The following TMEM53 variants were observed in gnomAD, a reference collection of about 807,000 sequenced individuals.
TMEM53 encodes the protein novel DUF829 domain-containing protein.
TMEM53 carries 14 observed loss-of-function variants against 21.4 expected under a neutral mutation model. That is an observed-to-expected ratio of 0.65 (90% CI 0.43 to 1.02). The LOEUF (loss-of-function observed/expected upper bound fraction) is 1.02. Ranked by LOEUF, TMEM53 falls within the 50% of genes least tolerant of loss-of-function variation. The pLI is 0.00. For missense variants in TMEM53, 323 were observed against 383.6 expected (o/e 0.84, Z 1.32); for synonymous variants, 148 against 157.4 (o/e 0.94, Z 0.45).
At chr1:44,674,178 T>C (rs1456864317) in intron 1 of TMEM53, 153 bp downstream of exon 1, 1 of 984,912 alleles carries the variant, frequency 1.0e-6, no homozygotes, top group Non-Finnish European at 1.2e-6. Context: ...CGGGGCTCTC[T>C]GAGCCTCTCT....
At chr1:44,660,496 C>T (rs750529209) in intron 1 of TMEM53, among the ~76,000 whole-genome samples, 2 of 152,150 alleles carry the variant, frequency 1.3e-5, no homozygotes, top group African/African-American at 4.8e-5. Context: ...ATGGGGTCAC[C>T]GGACAAACCA....
At chr1:44,662,412 C>T (rs1644910265) in intron 1 of TMEM53, among the ~76,000 whole-genome samples, 1 of 152,224 alleles carries the variant, frequency 6.6e-6, no homozygotes, top group Non-Finnish European at 1.5e-5. Flanking sequence ...TTTTCTCAGC[C>T]TAGTGTCCCC....
chr1:44,672,301 A>G (rs6668046), intron 1 of TMEM53, among the ~76,000 whole-genome samples: 4,608 of 152,340 alleles, frequency 0.03, 241 homozygotes, highest in African/African-American at 0.11. Flanking sequence ...CCTCTTGAAC[A>G]GAGGAAGAGA....
intron 1 of TMEM53, among the ~76,000 whole-genome samples, chr1:44,669,414 T>C (rs1050939698): frequency 7.2e-5 from 11 of 152,242 alleles, no homozygotes; most frequent in South Asian, 2.1e-4. Flanking sequence ...ATGTCCCTAA[T>C]TGTTTCCTAG....
rs576791562 is a variant in TMEM53 at position 44,672,613 on chromosome 1, C to A, written c.61+1718G>T. 3.3e-5 allele frequency among the ~76,000 whole-genome samples: 5 copies of A among 152,302 alleles called. 1 individual carries two copies. The South Asian group carries it at 6.2e-4, about 19-fold the overall frequency. On this transcript the variant is annotated intron_variant, in intron 1 of 2. Transcript: ENST00000372237. ...AAGCATCGCCCCAGGGAAGGGTCTG[C>A]TAGCAATGGAATGCACTCATGCCAA...
chr1:44,668,181 G>A (rs912825172), intron 1 of TMEM53, among the ~76,000 whole-genome samples: 2 of 152,078 alleles, frequency 1.3e-5, no homozygotes, highest in African/African-American at 4.8e-5. Context: ...GGTGGCTCAC[G>A]CCTGTAATCC....
intron 1 of TMEM53, among the ~76,000 whole-genome samples, chr1:44,668,465 A>C (rs1644968816): frequency 1.3e-5 from 2 of 152,256 alleles, no homozygotes; most frequent in African/African-American, 4.8e-5. Flanking sequence ...TAACATGCAA[A>C]AAATTGAAAG....
intron 1 of TMEM53, among the ~76,000 whole-genome samples, chr1:44,672,497 G>A (rs1264497755): frequency 3.9e-5 from 6 of 152,180 alleles, no homozygotes; most frequent in Admixed American, 3.3e-4. Context: ...AACTGAGAGC[G>A]GAAATTACAG....
chr1:44,658,855 A>C (rs1644873416), intron 2 of TMEM53, among the ~76,000 whole-genome samples: 3 of 152,118 alleles, frequency 2.0e-5, no homozygotes, highest in Admixed American at 2.0e-4. Flanking sequence ...CCAGGCCAAA[A>C]GGGACTTTCT....
At chr1:44,668,293 T>G (rs1644966583) in intron 1 of TMEM53, among the ~76,000 whole-genome samples, 1 of 151,878 alleles carries the variant, frequency 6.6e-6, no homozygotes, top group Non-Finnish European at 1.5e-5. Flanking sequence ...TACAAAAAAT[T>G]AGCCGAGCGT....
chr1:44,653,618 C>G lies in TMEM53; in HGVS notation c.*941G>C, dbSNP rs1644820273. Reference sequence around the variant, plus strand: ...TCAGCTCCTCATCTGGCTTCTACCTCAGACTCCCAGGCAATGGGGTCAGAG... The same window carrying G: ...TCAGCTCCTCATCTGGCTTCTACCTGAGACTCCCAGGCAATGGGGTCAGAG... On this transcript the variant is annotated 3_prime_UTR_variant, in exon 3 of 3. Coordinates refer to ENST00000372237, the MANE Select transcript of TMEM53 (RefSeq NM_024587.4). 6.6e-6 allele frequency: 1 copy of G among 152,274 alleles called. No individual in the cohort carries two copies. The highest frequency in any genetic ancestry group is 1.5e-5 in the Non-Finnish European group (1 of 68,060). 9.4% of individuals were successfully genotyped at this position (152,274 alleles called of 1,614,324 possible).
intron 1 of TMEM53, among the ~76,000 whole-genome samples, chr1:44,668,309 C>G (rs1172336810): frequency 6.6e-6 from 1 of 151,928 alleles, no homozygotes; most frequent in Non-Finnish European, 1.5e-5. Context: ...AGCGTGGTGG[C>G]GGGCGCCTAT....
intron 1 of TMEM53, 136 bp from the exon 2 acceptor site, chr1:44,660,431 G>C: frequency 7.9e-7 from 1 of 1,263,134 alleles, no homozygotes; most frequent in Non-Finnish European, 1.1e-6. Flanking sequence ...CTGCCAGCAC[G>C]CATGCACCAG....
chr1:44,658,229 G>A (rs1573219957), intron 2 of TMEM53, among the ~76,000 whole-genome samples: 1 of 152,016 alleles, frequency 6.6e-6, no homozygotes, highest in East Asian at 1.9e-4. Flanking sequence ...CACACTCCCT[G>A]GGGGATCTCA....
Position 44,656,464 on chromosome 1 carries a change from C to T in TMEM53, c.184-1255G>A, listed in dbSNP as rs141100092. Among the ~76,000 whole-genome samples the T allele has an allele frequency of 1.8e-3, 273 of 152,272 alleles. 2 individuals are homozygous for T. The highest frequency in any genetic ancestry group is 6.3e-3 in the African/African-American group (260 of 41,540). On this transcript the variant is annotated intron_variant, in intron 2 of 2. Transcript: ENST00000372237. ...TACCTTGCCATCAGCCGCCTGACCT[C>T]CTAGCCCTGGAGTGCCTAAGCATCC...
intron 1 of TMEM53, among the ~76,000 whole-genome samples, chr1:44,667,298 C>G (rs888216465): frequency 6.7e-6 from 1 of 149,026 alleles, no homozygotes; most frequent in Non-Finnish European, 1.5e-5. Flanking sequence ...ACTACACAAA[C>G]GCACACTTTT....
At chr1:44,657,338 T>C (rs1161523470) in intron 2 of TMEM53, among the ~76,000 whole-genome samples, 1 of 152,136 alleles carries the variant, frequency 6.6e-6, no homozygotes, top group Non-Finnish European at 1.5e-5. Flanking sequence ...AATTAGGGAA[T>C]CTGAATATGG....
At chr1:44,664,900 C>A (rs1016644957) in intron 1 of TMEM53, among the ~76,000 whole-genome samples, 4 of 152,176 alleles carry the variant, frequency 2.6e-5, no homozygotes, top group African/African-American at 9.7e-5. Context: ...GCAGAGCCAG[C>A]GCCCACTATC....
At chr1:44,670,657 C>A (rs901582681) in intron 1 of TMEM53, among the ~76,000 whole-genome samples, 23 of 152,172 alleles carry the variant, frequency 1.5e-4, no homozygotes, top group African/African-American at 4.8e-4. Context: ...GTCTATATTT[C>A]TTTGACCTCA....
Sources: gnomAD v4.1 joint callset for allele counts (sites outside exome capture counted in the v4.1 genomes callset) on GRCh38, gnomAD v4.1.1 for gene constraint, MANE v1.5 for transcripts, NCBI Gene and HGNC (gene_info 2026-07-23, HGNC 2026-07-21) for gene names.